Variants in PLCB1 observed in about 807,000 individuals in gnomAD.
PLCB1 encodes the protein 1-phosphatidylinositol 4,5-bisphosphate phosphodiesterase beta-1.
Under a neutral mutation model 161.8 loss-of-function variants are expected in PLCB1, and 46 were observed. The observed-to-expected ratio is 0.28, with a 90% confidence interval of 0.22 to 0.36. The LOEUF (loss-of-function observed/expected upper bound fraction) is 0.36. Among genes scored for constraint, PLCB1 ranks in the 10% least tolerant of loss-of-function variants. PLCB1 has a pLI of 1.00. For missense variants in PLCB1, 1,016 were observed against 1,472.5 expected, an observed-to-expected ratio of 0.69 and a Z score of 5.07; for synonymous variants, 517 against 503.7, an observed-to-expected ratio of 1.03 and a Z score of -0.35.
At chr20:8,608,599 G>A (rs767134522) in intron 3 of PLCB1, among the ~76,000 whole-genome samples, 2 of 152,074 alleles carry the variant, frequency 1.3e-5, no homozygotes, top group Non-Finnish European at 2.9e-5. Flanking sequence ...TTTAGATAAG[G>A]ATACTTAGAT....
rs191744911 is a variant in PLCB1, at chr20:8,152,955, T to G, written c.177+2584T>G. Among the ~76,000 whole-genome samples, 12 of 152,266 alleles carry G rather than the reference T, an allele frequency of 7.9e-5. No homozygotes were observed. The East Asian group carries it at 2.1e-3, about 27-fold the overall frequency. The stretch of plus-strand genomic sequence containing the variant: ...ATGTTCTATGCATGTCCGTCTCTTG[T>G]CATGGCTACATCAGATCTTGTATCA... On this transcript the variant is annotated intron_variant, in intron 2 of 31. Transcript: ENST00000338037.
intron 31 of PLCB1, among the ~76,000 whole-genome samples, chr20:8,834,381 AT>A (rs1986175034): frequency 6.6e-6 from 1 of 152,106 alleles, no homozygotes; most frequent in Non-Finnish European, 1.5e-5. Flanking sequence ...CCCCCGAGAA[AT>A]TGAACCAATA....
intron 31 of PLCB1, among the ~76,000 whole-genome samples, chr20:8,852,727 A>G (rs373084468): frequency 1.3e-5 from 2 of 152,122 alleles, no homozygotes; most frequent in African/African-American, 4.8e-5. Flanking sequence ...TTGCTCTCCA[A>G]TTTTCTCAAC....
At chr20:8,465,906 G>A (rs993716426) in intron 3 of PLCB1, among the ~76,000 whole-genome samples, 2 of 150,786 alleles carry the variant, frequency 1.3e-5, no homozygotes, top group Admixed American at 6.6e-5. Flanking sequence ...CGTTGTGGAA[G>A]TCAGTGTGGC....
intron 2 of PLCB1, among the ~76,000 whole-genome samples, chr20:8,285,177 G>A (rs947051543): frequency 6.6e-6 from 1 of 150,744 alleles, no homozygotes; most frequent in African/African-American, 2.4e-5. Flanking sequence ...TGCTTCACTT[G>A]TGTTTGCTCT....
chr20:8,462,740 G>A (rs1238880589), intron 3 of PLCB1, among the ~76,000 whole-genome samples: 1 of 151,974 alleles, frequency 6.6e-6, no homozygotes, highest in Non-Finnish European at 1.5e-5. Context: ...AAGGAAAATA[G>A]TTCAAAGTTC....
At chr20:8,216,575 G>T (rs977686141) in intron 2 of PLCB1, among the ~76,000 whole-genome samples, 7 of 152,122 alleles carry the variant, frequency 4.6e-5, no homozygotes, top group South Asian at 2.1e-4. Context: ...AGTGGGTATG[G>T]TTGAGTAGAA....
intron 31 of PLCB1, among the ~76,000 whole-genome samples, chr20:8,832,447 G>A (rs955019051): frequency 2.0e-5 from 3 of 152,190 alleles, no homozygotes; most frequent in African/African-American, 7.2e-5. Flanking sequence ...ACAGTCATGG[G>A]TTATAGAGAC....
At chr20:8,211,940 TTTA>T (rs1467971759) in intron 2 of PLCB1, among the ~76,000 whole-genome samples, 1 of 152,148 alleles carries the variant, frequency 6.6e-6, no homozygotes, top group Non-Finnish European at 1.5e-5. Flanking sequence ...TTTAATTTCT[TTTA>T]TTAGCAACTG....
chr20:8,773,950 G>A (rs1982816861), intron 26 of PLCB1, among the ~76,000 whole-genome samples: 1 of 148,626 alleles, frequency 6.7e-6, no homozygotes, highest in Non-Finnish European at 1.5e-5. Flanking sequence ...CTCCAGCTTG[G>A]GCAACAGAGC....
At chr20:8,338,824 TAA>T (rs1382783835) in intron 2 of PLCB1, among the ~76,000 whole-genome samples, 2 of 152,172 alleles carry the variant, frequency 1.3e-5, no homozygotes, top group Non-Finnish European at 2.9e-5. Flanking sequence ...TGCACGCACA[TAA>T]AATACCCAGT....
intron 3 of PLCB1, among the ~76,000 whole-genome samples, chr20:8,535,031 T>C (rs761636230): frequency 1.3e-5 from 2 of 150,620 alleles, no homozygotes; most frequent in Non-Finnish European, 2.9e-5. Flanking sequence ...TAGAAAGATA[T>C]CTTCAAGTTC....
intron 3 of PLCB1, among the ~76,000 whole-genome samples, chr20:8,512,184 A>G (rs949217107): frequency 3.9e-5 from 6 of 152,222 alleles, no homozygotes; most frequent in African/African-American, 1.4e-4. Flanking sequence ...TCGTAAATCT[A>G]TAAAGTTAAG....
intron 2 of PLCB1, among the ~76,000 whole-genome samples, chr20:8,176,925 A>T (rs2051789553): frequency 6.6e-6 from 1 of 152,172 alleles, no homozygotes; most frequent in Admixed American, 6.6e-5. Context: ...TGATAGAATG[A>T]ATATTACTTT....
chr20:8,199,323 A>G (rs2052064694), intron 2 of PLCB1, among the ~76,000 whole-genome samples: 3 of 152,074 alleles, frequency 2.0e-5, no homozygotes. Flanking sequence ...CCTTTGGGTA[A>G]AAGCCTAGAA....
intron 2 of PLCB1, among the ~76,000 whole-genome samples, chr20:8,344,442 A>C (rs1427776347): frequency 6.6e-6 from 1 of 152,168 alleles, no homozygotes; most frequent in African/African-American, 2.4e-5. Context: ...TCTGAGCTAA[A>C]ATTTGATTTC....
chr20:8,460,138 A>G (rs536650871), intron 3 of PLCB1, among the ~76,000 whole-genome samples: 1 of 152,340 alleles, frequency 6.6e-6, no homozygotes, highest in African/African-American at 2.4e-5. Context: ...TAGAGATATC[A>G]GCTGAGTGAG....
At chr20:8,670,875 C>G (rs146196295) in intron 9 of PLCB1, among the ~76,000 whole-genome samples, 1 of 152,180 alleles carries the variant, frequency 6.6e-6, no homozygotes, top group African/African-American at 2.4e-5. Flanking sequence ...TAGCAGAATT[C>G]GCAAGGGCCA....
At chr20:8,627,331 T>C (rs912144930) in intron 3 of PLCB1, among the ~76,000 whole-genome samples, 3 of 152,172 alleles carry the variant, frequency 2.0e-5, no homozygotes, top group African/African-American at 7.2e-5. Context: ...TTAGATTTTT[T>C]TTAAACATCT....
Sources: allele counts gnomAD v4.1 joint callset (sites outside exome capture counted in the v4.1 genomes callset), GRCh38; gene constraint gnomAD v4.1.1; transcripts MANE v1.5; gene names NCBI Gene and HGNC (gene_info 2026-07-23, HGNC 2026-07-21).